EGFLAM: variants seen among roughly 807,000 people sequenced by gnomAD.
The protein encoded by EGFLAM is pikachurin.
In EGFLAM, 79 loss-of-function variants were observed where a neutral mutation model predicts 113.1. The ratio of observed to expected loss-of-function variants is 0.70; its 90% CI spans 0.58 to 0.84. EGFLAM has a LOEUF of 0.84. Among genes scored for constraint, EGFLAM ranks in the 40% least tolerant of loss-of-function variants. The pLI, the probability that EGFLAM is intolerant of heterozygous loss-of-function variation, is 0.00. For synonymous variants in EGFLAM, 504 were observed against 487.6 expected, an observed-to-expected ratio of 1.03 and a Z score of -0.44; for missense variants, 1,265 against 1,291.6, an observed-to-expected ratio of 0.98 and a Z score of 0.32.
rs1236101728 is a variant in EGFLAM, at chr5:38,431,256, G to A, written c.2134G>A (p.Asp712Asn). The A allele has an allele frequency of 8.7e-6, 14 of 1,614,042 alleles. No individual in the cohort carries two copies. The highest frequency in any genetic ancestry group is 1.6e-4 in the Middle Eastern group (1 of 6,082). Residue 712 changes from aspartate to asparagine, a missense_variant, in exon 15 of 22, where the codon GAT becomes AAT. Coordinates refer to ENST00000322350, the MANE Select transcript of EGFLAM (RefSeq NM_152403.4). ...AGCAAAGAATGGAATCTTACAGGTG[G>A]ATAAGCAGAAGATAGTGGAGGGAAT... is the stretch of plus-strand genomic sequence containing the variant. ...RTAKNGILQV[D>N]KQKIVEGMAE...
rs147721494 is a variant in EGFLAM at position 38,312,409 on chromosome 5, T to C, written c.98-25111T>C. On this transcript the variant is annotated intron_variant, in intron 1 of 21. Coordinates refer to ENST00000322350, the MANE Select transcript of EGFLAM (RefSeq NM_152403.4). ...GGCGCCTGCCACCTCGCCTGGCTAA[T>C]TTTTTGTATTTTTAGAGAGACGGGG... 9.5e-3 allele frequency among the ~76,000 whole-genome samples: 1,439 copies of C among 151,952 alleles called. 21 individuals are homozygous for C. Among genetic ancestry groups the C allele is most frequent in the African/African-American group, 0.033 (1,378 of 41,444 alleles).
At chr5:38,431,588 T>TA (rs1449142666) in intron 15 of EGFLAM, among the ~76,000 whole-genome samples, 12 of 152,192 alleles carry the variant, frequency 7.9e-5, no homozygotes, top group Non-Finnish European at 1.3e-4. Flanking sequence ...CCTTTGTTCT[T>TA]ATCAGCTACA....
chr5:38,323,419 T>C (rs1172372282), intron 1 of EGFLAM, among the ~76,000 whole-genome samples: 1 of 152,224 alleles, frequency 6.6e-6, no homozygotes. Context: ...AGCACCCTTT[T>C]TATTTACTTA....
At position 38,421,063 on chromosome 5, in the gene EGFLAM, G is replaced by A. The variant is rs77586706; in HGVS notation, c.1684+2808G>A. ...TAGTCCTCCTGAAATTCAAGTTTTT[G>A]TAAGTCAAACGCAGCCTCACCAGGG... On this transcript the variant is annotated intron_variant, in intron 12 of 21. Coordinates refer to ENST00000322350, the MANE Select transcript of EGFLAM (RefSeq NM_152403.4). 1.4e-3 allele frequency among the ~76,000 whole-genome samples: 219 copies of A among 152,290 alleles called. 1 individual carries two copies. The highest frequency in any genetic ancestry group is 5.1e-3 in the African/African-American group (213 of 41,556).
At chr5:38,299,681 C>G (rs991651017) in intron 1 of EGFLAM, among the ~76,000 whole-genome samples, 3 of 152,116 alleles carry the variant, frequency 2.0e-5, no homozygotes, top group Admixed American at 6.6e-5. Flanking sequence ...GGTCATCTCA[C>G]TCTGAGTTCA....
At chr5:38,264,430 G>A (rs1757581394) in intron 1 of EGFLAM, among the ~76,000 whole-genome samples, 1 of 152,142 alleles carries the variant, frequency 6.6e-6, no homozygotes, top group East Asian at 1.9e-4. Flanking sequence ...AAAACAAAAG[G>A]CTGGAAGAGA....
At chr5:38,348,805 G>C (rs1234454212) in intron 3 of EGFLAM, among the ~76,000 whole-genome samples, 1 of 152,092 alleles carries the variant, frequency 6.6e-6, no homozygotes, top group Non-Finnish European at 1.5e-5. Context: ...GGGGGATCAG[G>C]ACAATGAGAG....
chr5:38,277,800 A>G (rs1757922322), intron 1 of EGFLAM, among the ~76,000 whole-genome samples: 1 of 152,194 alleles, frequency 6.6e-6, no homozygotes, highest in African/African-American at 2.4e-5. Flanking sequence ...ATAGATACAA[A>G]AATTGAAATA....
intron 3 of EGFLAM, among the ~76,000 whole-genome samples, chr5:38,349,978 CACACACACAGACAGACACACAG>C (rs1465799813): frequency 2.4e-3 from 369 of 151,590 alleles, no homozygotes; most frequent in Non-Finnish European, 3.0e-3. Context: ...CACACACACA[CACACACACAGACAGACACACAG>C]ACATACTTTT....
chr5:38,353,511 T>C (rs896406005), intron 5 of EGFLAM, among the ~76,000 whole-genome samples: 1 of 152,248 alleles, frequency 6.6e-6, no homozygotes, highest in African/African-American at 2.4e-5. Context: ...GCTCTGCTTC[T>C]GTGTCTTGAC....
At chr5:38,328,374 C>T (rs1475722477) in intron 1 of EGFLAM, among the ~76,000 whole-genome samples, 3 of 152,166 alleles carry the variant, frequency 2.0e-5, no homozygotes, top group Non-Finnish European at 2.9e-5. Context: ...ATTCGACATG[C>T]GGGGACACAG....
At chr5:38,370,808 T>C (rs530933812) in intron 6 of EGFLAM, among the ~76,000 whole-genome samples, 3 of 152,266 alleles carry the variant, frequency 2.0e-5, no homozygotes, top group South Asian at 2.1e-4. Context: ...CTTAGAACCA[T>C]AGGAGAAAAA....
At chr5:38,404,005 A>T in intron 6 of EGFLAM, 1 of 1,585,606 alleles carries the variant, frequency 6.3e-7, no homozygotes, top group Non-Finnish European at 8.6e-7. Flanking sequence ...TTGTTATCCC[A>T]CCTCCACCAA....
intron 6 of EGFLAM, among the ~76,000 whole-genome samples, chr5:38,379,512 A>G (rs1432971899): frequency 6.6e-6 from 1 of 151,980 alleles, no homozygotes; most frequent in East Asian, 1.9e-4. Flanking sequence ...CTTCCCTGGT[A>G]ATGAGATTCC....
At chr5:38,382,896 C>T (rs930392957) in intron 6 of EGFLAM, among the ~76,000 whole-genome samples, 1 of 152,162 alleles carries the variant, frequency 6.6e-6, no homozygotes, top group African/African-American at 2.4e-5. Flanking sequence ...ATTGTGTCTC[C>T]ATTTTGGCCC....
chr5:38,444,068 A>T (rs902939054), intron 17 of EGFLAM, among the ~76,000 whole-genome samples: 42 of 152,098 alleles, frequency 2.8e-4, no homozygotes, highest in African/African-American at 9.6e-4. Flanking sequence ...ACCACACCTG[A>T]CCAACTCTTT....
chr5:38,331,624 A>T (rs1561281416), intron 1 of EGFLAM, among the ~76,000 whole-genome samples: 2 of 152,108 alleles, frequency 1.3e-5, no homozygotes, highest in Non-Finnish European at 2.9e-5. Context: ...TATGGGACTG[A>T]TATATCATTT....
rs149146578 is a variant in EGFLAM at position 38,348,213 on chromosome 5, A to G, written c.292-2288A>G. ...GAGGCCCTCACAAATCCATGCCTGG[A>G]GACCAGGAGGCAGGCCAGAGCTAGA... On this transcript the variant is annotated intron_variant, in intron 3 of 21. Transcript: ENST00000322350. Among the ~76,000 whole-genome samples, 1,040 of 152,258 alleles carry G rather than the reference A, an allele frequency of 6.8e-3. 17 individuals are homozygous for G. The highest frequency in any genetic ancestry group is 0.023 in the African/African-American group (942 of 41,556).
chr5:38,442,361 T>G (rs1282678377), intron 17 of EGFLAM, among the ~76,000 whole-genome samples: 3 of 147,872 alleles, frequency 2.0e-5, no homozygotes, highest in African/African-American at 7.3e-5. Flanking sequence ...TAAATTATAT[T>G]AACATAATAT....
Sources: allele counts gnomAD v4.1 joint callset (sites outside exome capture counted in the v4.1 genomes callset), GRCh38; gene constraint gnomAD v4.1.1; transcripts MANE v1.5; gene names NCBI Gene and HGNC (gene_info 2026-07-23, HGNC 2026-07-21).